LEPR: variants seen among roughly 807,000 people sequenced by gnomAD.
LEPR encodes OB receptor.
In LEPR, 56 loss-of-function variants were observed where a neutral mutation model predicts 114.7. The observed-to-expected ratio is 0.49, with a 90% CI of 0.39 to 0.61. The LOEUF is 0.61. Ranked by LOEUF, LEPR falls within the 20% of genes least tolerant of loss-of-function variation. The pLI is 0.00. For synonymous variants in LEPR, 443 were observed against 461.4 expected, an observed-to-expected ratio of 0.96 and a Z score of 0.51; for missense variants, 1,202 against 1,352.9, an observed-to-expected ratio of 0.89 and a Z score of 1.75.
intron 1 of LEPR, among the ~76,000 whole-genome samples, chr1:65,424,731 GC>G (rs1646324423): frequency 6.6e-6 from 1 of 152,226 alleles, no homozygotes; most frequent in Admixed American, 6.5e-5. Flanking sequence ...TGGTTTGCAG[GC>G]CTGCTTTCTG....
chr1:65,518,323 G>C (rs995503847), intron 2 of LEPR, among the ~76,000 whole-genome samples: 1 of 152,166 alleles, frequency 6.6e-6, no homozygotes, highest in Non-Finnish European at 1.5e-5. Flanking sequence ...CTTGTTTATA[G>C]ATTTTTCTTA....
intron 2 of LEPR, among the ~76,000 whole-genome samples, chr1:65,437,685 G>A (rs1646583227): frequency 6.6e-6 from 1 of 151,926 alleles, no homozygotes; most frequent in Non-Finnish European, 1.5e-5. Context: ...AAAAAAACTA[G>A]GTAAATAAAG....
At chr1:65,467,378 T>C (rs1408194630) in intron 2 of LEPR, among the ~76,000 whole-genome samples, 2 of 152,078 alleles carry the variant, frequency 1.3e-5, no homozygotes, top group South Asian at 4.1e-4. Flanking sequence ...GAACAGCAAA[T>C]ATTGTTGCTT....
intron 1 of LEPR, 99 bp from the exon 2 acceptor site, chr1:65,425,204 C>T: frequency 1.0e-6 from 1 of 957,552 alleles, no homozygotes; most frequent in South Asian, 1.4e-5. Context: ...GCCAAAGAAA[C>T]TCTGGACCTA....
chr1:65,501,315 C>A (rs1250285217), intron 2 of LEPR, among the ~76,000 whole-genome samples: 1 of 148,564 alleles, frequency 6.7e-6, no homozygotes, highest in African/African-American at 2.5e-5. Context: ...ATATCCCTTG[C>A]CTCTTTTAGC....
At chr1:65,458,838 A>G (rs533946316) in intron 2 of LEPR, among the ~76,000 whole-genome samples, 48 of 152,078 alleles carry the variant, frequency 3.2e-4, no homozygotes, top group African/African-American at 9.9e-4. Context: ...TCCTTCTGTA[A>G]GTGTTCCACA....
In LEPR at chr1:65,425,938, A is replaced by G. The variant is rs139212101; in HGVS notation, c.-21+560A>G. ...GTTGGTTGAATGCTTCCCATGTGCC[A>G]GCTACTGTTATGGGAACTAGGGATT... is the stretch of plus-strand genomic sequence containing the variant. On this transcript the variant is annotated intron_variant, in intron 2 of 19. Transcript: ENST00000349533. Among the ~76,000 whole-genome samples the G allele has an allele frequency of 2.6e-3, 390 of 152,302 alleles. 4 individuals carry two copies. The highest frequency in any genetic ancestry group is 0.02 in the Middle Eastern group (6 of 294).
chr1:65,531,630 T>A (rs1341372278), intron 2 of LEPR, among the ~76,000 whole-genome samples: 1 of 152,180 alleles, frequency 6.6e-6, no homozygotes, highest in Non-Finnish European at 1.5e-5. Flanking sequence ...GCCTAACATG[T>A]AAGAGGTGCT....
chr1:65,554,353 G>A (rs1570681314), intron 2 of LEPR, among the ~76,000 whole-genome samples: 1 of 152,158 alleles, frequency 6.6e-6, no homozygotes, highest in East Asian at 1.9e-4. Flanking sequence ...AGGGAGATGG[G>A]AGTTTTATCT....
chr1:65,589,006 A>G (rs1341259485), intron 5 of LEPR, among the ~76,000 whole-genome samples: 1 of 152,114 alleles, frequency 6.6e-6, no homozygotes, highest in Non-Finnish European at 1.5e-5. Flanking sequence ...CTGTTTTCCA[A>G]AATTGTATCA....
intron 2 of LEPR, among the ~76,000 whole-genome samples, chr1:65,564,952 A>T (rs1323975429): frequency 6.6e-6 from 1 of 152,232 alleles, no homozygotes; most frequent in Non-Finnish European, 1.5e-5. Context: ...GTCGGACTTC[A>T]TGTGGGTATA....
At chr1:65,464,027 G>A (rs534805558) in intron 2 of LEPR, among the ~76,000 whole-genome samples, 8 of 151,968 alleles carry the variant, frequency 5.3e-5, no homozygotes, top group African/African-American at 1.7e-4. Context: ...TCTTTCTCTC[G>A]CTTGATTGCC....
At position 65,637,001 on chromosome 1, in the gene LEPR, G is replaced by T; in HGVS notation, c.3484G>T (p.Asp1162Tyr). 6.2e-7 allele frequency: 1 copy of T among 1,613,396 alleles called. No homozygotes were observed. Among genetic ancestry groups the T allele is most frequent in the South Asian group, 1.1e-5 (1 of 91,016 alleles). Reference protein sequence around the residue: ...THKIMENKMCDLTV With the variant: ...THKIMENKMCYLTV ...TAAGATCATGGAAAACAAGATGTGT[G>T]ACCTAACTGTGTAATTTCACTGAAG... is the stretch of plus-strand genomic sequence containing the variant. The change falls in exon 20 of 20, where the codon GAC becomes TAC. Residue 1162 changes from aspartate to tyrosine, a missense_variant. Asp to Tyr is a radical substitution (Grantham distance 160). Transcript: ENST00000349533.
chr1:65,596,247 C>T (rs959473728), intron 6 of LEPR, among the ~76,000 whole-genome samples: 6 of 152,080 alleles, frequency 3.9e-5, no homozygotes, highest in Non-Finnish European at 7.4e-5. Context: ...AATGAATATA[C>T]ATGGATTGCT....
chr1:65,603,717 A>G (rs7545475), intron 10 of LEPR, among the ~76,000 whole-genome samples: 37,097 of 129,242 alleles, frequency 0.29, 5,412 homozygotes, highest in African/African-American at 0.42. Flanking sequence ...TTTTTTTTTG[A>G]TTCATCAGCT....
At chr1:65,613,772 A>AG in intron 14 of LEPR, among the ~76,000 whole-genome samples, 1 of 151,078 alleles carries the variant, frequency 6.6e-6, no homozygotes, top group East Asian at 1.9e-4. Flanking sequence ...AAAAAAAAAA[A>AG]AAAAAAAAAA....
At chr1:65,490,252 C>A (rs1647793623) in intron 2 of LEPR, among the ~76,000 whole-genome samples, 2 of 151,896 alleles carry the variant, frequency 1.3e-5, no homozygotes, top group Admixed American at 1.3e-4. Context: ...GTCCACGTAC[C>A]AAAAGAGAAC....
intron 2 of LEPR, among the ~76,000 whole-genome samples, chr1:65,516,786 T>G (rs1649309297): frequency 6.6e-6 from 1 of 152,214 alleles, no homozygotes. Flanking sequence ...TTTTGTACCA[T>G]AGCACCTTTC....
At chr1:65,433,391 C>T in intron 2 of LEPR, 1 of 985,428 alleles carries the variant, frequency 1.0e-6, no homozygotes, top group Non-Finnish European at 1.2e-6. Context: ...ATCCTGTAAT[C>T]ACAGTTTTCC....
Sources: gnomAD v4.1 joint callset for allele counts (sites outside exome capture counted in the v4.1 genomes callset) on GRCh38, gnomAD v4.1.1 for gene constraint, MANE v1.5 for transcripts, NCBI Gene and HGNC (gene_info 2026-07-23, HGNC 2026-07-21) for gene names.